Variants in LRRC4C observed in about 807,000 individuals in gnomAD.
The protein encoded by LRRC4C is leucine-rich repeat-containing protein 4C.
A neutral mutation model predicts 33.6 loss-of-function variants in LRRC4C; 5 were observed. The ratio of observed to expected loss-of-function variants is 0.15; its 90% CI spans 0.08 to 0.31. LRRC4C has a LOEUF of 0.31. Ranked by LOEUF, LRRC4C falls within the 10% of genes least tolerant of loss-of-function variation. LRRC4C has a pLI of 1.00. For missense variants in LRRC4C, 560 were observed against 796.7 expected, an observed-to-expected ratio of 0.70 and a Z score of 3.58; for synonymous variants, 329 against 302.0, an observed-to-expected ratio of 1.09 and a Z score of -0.93.
intron 1 of LRRC4C, among the ~76,000 whole-genome samples, chr11:41,342,305 T>A (rs1951667043): frequency 6.6e-6 from 1 of 152,204 alleles, no homozygotes; most frequent in South Asian, 2.1e-4. Context: ...GAATTCAGTA[T>A]TGAAAGGTGG....
intron 3 of LRRC4C, among the ~76,000 whole-genome samples, chr11:40,634,034 G>A (rs1025547645): frequency 3.9e-5 from 6 of 152,176 alleles, no homozygotes; most frequent in South Asian, 2.1e-4. Context: ...AGGGTATATT[G>A]ACAGGTTGTA....
At chr11:41,236,544 A>G (rs1948030306) in intron 1 of LRRC4C, among the ~76,000 whole-genome samples, 1 of 151,944 alleles carries the variant, frequency 6.6e-6, no homozygotes, top group Non-Finnish European at 1.5e-5. Context: ...AAATCTATAT[A>G]CAGCGAAATG....
intron 1 of LRRC4C, among the ~76,000 whole-genome samples, chr11:41,093,403 A>C (rs975756406): frequency 6.6e-6 from 1 of 152,222 alleles, no homozygotes; most frequent in Non-Finnish European, 1.5e-5. Context: ...AAACACTATC[A>C]CATTTATGGT....
At chr11:40,164,532 C>A (rs547434683) in intron 5 of LRRC4C, among the ~76,000 whole-genome samples, 2 of 152,266 alleles carry the variant, frequency 1.3e-5, no homozygotes, top group Admixed American at 6.5e-5. Flanking sequence ...CCACCGTGCC[C>A]AGCCAAATCC....
At chr11:40,640,425 T>C (rs538297379) in intron 3 of LRRC4C, among the ~76,000 whole-genome samples, 1 of 152,202 alleles carries the variant, frequency 6.6e-6, no homozygotes, top group African/African-American at 2.4e-5. Flanking sequence ...GTTAGGTCCT[T>C]TTTAAAGAGG....
chr11:40,558,785 A>C (rs1957429072), intron 3 of LRRC4C, among the ~76,000 whole-genome samples: 1 of 152,136 alleles, frequency 6.6e-6, no homozygotes, highest in Admixed American at 6.6e-5. Context: ...GGTTTGTTAT[A>C]CAGATTATTT....
intron 2 of LRRC4C, among the ~76,000 whole-genome samples, chr11:40,747,313 G>A (rs1337760321): frequency 2.6e-5 from 4 of 152,154 alleles, no homozygotes; most frequent in African/African-American, 7.2e-5. Flanking sequence ...GCTGTATATA[G>A]TCAAATACAG....
chr11:40,370,995 A>G (rs1948425843), intron 3 of LRRC4C, among the ~76,000 whole-genome samples: 1 of 152,118 alleles, frequency 6.6e-6, no homozygotes, highest in African/African-American at 2.4e-5. Flanking sequence ...GCCACTGTAC[A>G]TTGATTTTTT....
At chr11:41,367,689 A>G (rs1952595508) in intron 1 of LRRC4C, among the ~76,000 whole-genome samples, 1 of 152,004 alleles carries the variant, frequency 6.6e-6, no homozygotes, top group African/African-American at 2.4e-5. Flanking sequence ...GTTTTCTTTT[A>G]GACACTCGGT....
At chr11:40,787,525 C>T (rs191232858) in intron 2 of LRRC4C, among the ~76,000 whole-genome samples, 2 of 152,292 alleles carry the variant, frequency 1.3e-5, no homozygotes, top group East Asian at 3.9e-4. Context: ...CCTTTGAGAG[C>T]TCTTCAAAAT....
chr11:41,295,894 G>A (rs1294991835), intron 1 of LRRC4C, among the ~76,000 whole-genome samples: 1 of 152,230 alleles, frequency 6.6e-6, no homozygotes, highest in African/African-American at 2.4e-5. Flanking sequence ...CCCTGCTCAA[G>A]TGGCTTGCCA....
At chr11:41,123,512 T>C (rs1283155575) in intron 1 of LRRC4C, among the ~76,000 whole-genome samples, 1 of 151,680 alleles carries the variant, frequency 6.6e-6, no homozygotes, top group East Asian at 1.9e-4. Flanking sequence ...GACCTCGTGA[T>C]CCGCCCGCCT....
At chr11:41,083,652 C>T (rs1299610321) in intron 1 of LRRC4C, among the ~76,000 whole-genome samples, 1 of 152,110 alleles carries the variant, frequency 6.6e-6, no homozygotes, top group Non-Finnish European at 1.5e-5. Flanking sequence ...CAAGAAATGG[C>T]TATACTGTCA....
chr11:41,395,402 G>A (rs1953769587), intron 1 of LRRC4C, among the ~76,000 whole-genome samples: 1 of 151,894 alleles, frequency 6.6e-6, no homozygotes, highest in Admixed American at 6.6e-5. Context: ...GGTTATATAA[G>A]AATTAACATG....
At chr11:40,170,727 T>C (rs565682811) in intron 5 of LRRC4C, among the ~76,000 whole-genome samples, 15 of 152,178 alleles carry the variant, frequency 9.9e-5, no homozygotes, top group African/African-American at 3.6e-4. Context: ...CTTCATCAGG[T>C]GAGAGTTTAC....
intron 1 of LRRC4C, among the ~76,000 whole-genome samples, chr11:41,004,868 C>T (rs979553771): frequency 3.3e-4 from 50 of 152,158 alleles, no homozygotes; most frequent in Admixed American, 2.4e-3. Context: ...ATTAAAATCA[C>T]GTGGCATTTT....
intron 3 of LRRC4C, among the ~76,000 whole-genome samples, chr11:40,514,622 TA>T (rs1955486496): frequency 6.6e-6 from 1 of 152,068 alleles, no homozygotes; most frequent in Admixed American, 6.6e-5. Flanking sequence ...TTTTATCCTT[TA>T]TTTTAATTAT....
At chr11:40,646,760 C>A (rs1273976810) in intron 3 of LRRC4C, among the ~76,000 whole-genome samples, 1 of 152,136 alleles carries the variant, frequency 6.6e-6, no homozygotes, top group Admixed American at 6.5e-5. Context: ...GCGCCCACCA[C>A]CGCGCCCAGC....
At chr11:40,566,137 A>G (rs1297140607) in intron 3 of LRRC4C, among the ~76,000 whole-genome samples, 2 of 105,918 alleles carry the variant, frequency 1.9e-5, no homozygotes, top group Non-Finnish European at 3.9e-5. Context: ...TTTCCTCTAA[A>G]TATTTTTTGA....
Sources: allele counts gnomAD v4.1 joint callset (sites outside exome capture counted in the v4.1 genomes callset), GRCh38; gene constraint gnomAD v4.1.1; transcripts MANE v1.5; gene names NCBI Gene and HGNC (gene_info 2026-07-23, HGNC 2026-07-21).